LRAT: variants seen among roughly 807,000 people sequenced by gnomAD.
LRAT encodes the protein lecithin retinol acyltransferase (phosphatidylcholine--retinol O-acyltransferase).
Under a neutral mutation model 14.2 loss-of-function variants are expected in LRAT, and 11 were observed. The ratio of observed to expected loss-of-function variants is 0.78; its 90% CI spans 0.49 to 1.29. The LOEUF (loss-of-function observed/expected upper bound fraction) is 1.29, where lower values mean the gene tolerates loss of function less well. LRAT is among the 50% of genes most tolerant of loss of function. The pLI, the probability that LRAT is intolerant of heterozygous loss-of-function variation, is 0.00. For synonymous variants in LRAT, 144 were observed against 124.8 expected (o/e 1.15, Z -1.03); for missense variants, 274 against 292.4 (o/e 0.94, Z 0.46).
In LRAT at chr4:154,749,282, G is replaced by A. The variant is rs927284877; in HGVS notation, c.*146G>A. 2.2e-6 allele frequency: 2 copies of A among 909,620 alleles called. No individual in the cohort carries two copies. The highest frequency in any genetic ancestry group is 3.5e-6 in the Non-Finnish European group (2 of 563,800). The allele number at this position is 909,620 out of a possible 1,614,324, so 56.3% of individuals were successfully genotyped here. A position where few individuals can be genotyped will look rare whatever the true frequency, so the allele number is the denominator to read the frequency against. ...AATGTGATTAGGAATCACGCAAAGT[G>A]CTTACTGTGTAAGCCCAAGAACAAA... On this transcript the variant is annotated 3_prime_UTR_variant, in exon 3 of 3. Transcript: ENST00000336356.
chr4:154,744,563 G>C lies in LRAT; in HGVS notation c.237G>C (p.Leu79Phe). 6.2e-7 allele frequency: 1 copy of C among 1,614,126 alleles called. No individual in the cohort carries two copies. Among genetic ancestry groups the C allele is most frequent in the Non-Finnish European group, 8.5e-7 (1 of 1,180,026 alleles). ...RVAHMMPDIL[L>F]ALTDDMGRTQ... ...CCCACATGATGCCCGACATCCTGTTGGCCCTGACAGACGACATGGGGCGCA... is the reference window on the plus strand; with the variant it reads ...CCCACATGATGCCCGACATCCTGTTCGCCCTGACAGACGACATGGGGCGCA... Residue 79 changes from leucine (L) to phenylalanine (F), a missense_variant, in exon 2 of 3, where the codon TTG (leucine) becomes TTC (phenylalanine). Leu to Phe is a conservative substitution (Grantham distance 22). Transcript: ENST00000336356.
chr4:154,744,492 AC>A lies in LRAT; in HGVS notation c.169del (p.His57ThrfsTer2). 1.2e-6 allele frequency: 2 copies of A among 1,614,022 alleles called. No homozygotes were observed. The highest frequency in any genetic ancestry group is 1.7e-6 in the Non-Finnish European group (2 of 1,179,998). The part of the protein sequence containing the change: ...HRGDVLEVPR[T>X]HLTHYGIYLG... ...AGGCGACGTGCTGGAGGTGCCCCGG[AC>A]CCACCTGACCCACTATGGCATCTAC... On this transcript the variant is annotated frameshift_variant, in exon 2 of 3. Coordinates refer to ENST00000336356, the MANE Select transcript of LRAT (RefSeq NM_004744.5). LOFTEE classifies it high-confidence loss of function.
At position 154,749,925 on chromosome 4, in the gene LRAT, T is replaced by C. The variant is rs1732957279; in HGVS notation, c.*789T>C. ...TGAAGTTATGTGGGTATTTGGCATG[T>C]GTGTGTGAAATAAATATGTAGATAG... On this transcript the variant is annotated 3_prime_UTR_variant, in exon 3 of 3. Coordinates refer to ENST00000336356, the MANE Select transcript of LRAT (RefSeq NM_004744.5). The C allele has an allele frequency of 6.6e-6, 1 of 152,210 alleles. No individual in the cohort carries two copies. The highest frequency in any genetic ancestry group is 1.5e-5 in the Non-Finnish European group (1 of 68,032). 9.4% of individuals were successfully genotyped at this position (152,210 alleles called of 1,614,324 possible). A position where few individuals can be genotyped will look rare whatever the true frequency, so the allele number is the denominator to read the frequency against.
chr4:154,743,526 T>C (rs1445338603), upstream of LRAT, among the ~76,000 whole-genome samples: 2 of 152,026 alleles, frequency 1.3e-5, no homozygotes, highest in Non-Finnish European at 2.9e-5. Context: ...AAAGATTCGG[T>C]CAGGAAAGAA....
chr4:154,741,927 A>T (rs1043527689), upstream of LRAT, among the ~76,000 whole-genome samples: 2 of 152,146 alleles, frequency 1.3e-5, no homozygotes, highest in Non-Finnish European at 2.9e-5. Context: ...CTTAGTGACC[A>T]CCAGGGACGG....
chr4:154,742,067 A>G (rs1398851110), upstream of LRAT, among the ~76,000 whole-genome samples: 2 of 152,080 alleles, frequency 1.3e-5, no homozygotes, highest in African/African-American at 4.8e-5. Context: ...TCGGGTCTGC[A>G]TTGAACGTAC....
chr4:154,748,286 A>G, intron 2 of LRAT: 1 of 982,484 alleles, frequency 1.0e-6, no homozygotes, highest in Middle Eastern at 5.3e-4. Flanking sequence ...TGACATAGCC[A>G]ATAAGAGCTG....
Position 154,744,427 on chromosome 4 carries a change from A to C in LRAT, c.101A>C (p.Lys34Thr). 1 of 1,614,040 alleles carries C rather than the reference A, an allele frequency of 6.2e-7. No individual in the cohort carries two copies. The highest frequency in any genetic ancestry group is 8.5e-7 in the Non-Finnish European group (1 of 1,180,008). Residue 34 changes from lysine (K) to threonine (T), a missense_variant, in exon 2 of 3, where the codon AAA (lysine) becomes ACA (threonine). Lys to Thr is a moderately conservative substitution (Grantham distance 78). Transcript: ENST00000336356. ...LFSSGAAGED[K>T]GRNSFYETSS... ...AGTTCGGGCGCCGCGGGCGAAGACA[A>C]AGGGAGGAACAGTTTTTATGAAACC... is the stretch of plus-strand genomic sequence containing the variant.
At chr4:154,741,387 C>T (rs778667603), upstream of LRAT, among the ~76,000 whole-genome samples, 22 of 152,192 alleles carry the variant, frequency 1.4e-4, no homozygotes, top group African/African-American at 4.1e-4. Flanking sequence ...GAAGTCCTAG[C>T]ACGCAGAGCA....
chr4:154,748,899 T>A, intron 2 of LRAT, 85 bp from the exon 3 acceptor site: 1 of 1,314,676 alleles, frequency 7.6e-7, no homozygotes, highest in Non-Finnish European at 1.1e-6. Context: ...AGAAAATAGC[T>A]GGGAAAACTG....
chr4:154,744,553 A>C lies in LRAT; in HGVS notation c.227A>C (p.Asp76Ala), dbSNP rs1308166589. 6.2e-7 allele frequency: 1 copy of C among 1,614,090 alleles called. No homozygotes were observed. ...GDNRVAHMMP[D>A]ILLALTDDMG... Reference sequence around the variant, plus strand: ...AACCGTGTTGCCCACATGATGCCCGACATCCTGTTGGCCCTGACAGACGAC... The same window carrying C: ...AACCGTGTTGCCCACATGATGCCCGCCATCCTGTTGGCCCTGACAGACGAC... Residue 76 changes from aspartate to alanine, a missense_variant, in exon 2 of 3, where the codon GAC becomes GCC. Transcript: ENST00000336356.
chr4:154,744,979 A>ACT (rs1732853164), intron 2 of LRAT, 113 bp downstream of exon 2: 4 of 694,834 alleles, frequency 5.8e-6, no homozygotes, highest in Non-Finnish European at 9.5e-6. Context: ...CTCCCCTACC[A>ACT]CTTCCATACC....
At position 154,744,824 on chromosome 4, in the gene LRAT, C is replaced by G; in HGVS notation, c.498C>G (p.Thr166=). 6.2e-7 allele frequency: 1 copy of G among 1,613,914 alleles called. No individual in the cohort carries two copies. Among genetic ancestry groups the G allele is most frequent in the Non-Finnish European group, 8.5e-7 (1 of 1,180,024 alleles). ...GGAACAACTGCGAGCACTTCGTGAC[C>G]TACTGCAGATATGGCACCCCGATCA... is the stretch of plus-strand genomic sequence containing the variant. ...LLWNNCEHFV[T]YCRYGTPISP... Residue 166 remains threonine, a synonymous_variant, in exon 2 of 3, where the codon ACC becomes ACG. Transcript: ENST00000336356.
chr4:154,743,614 C>T (rs1373856553), upstream of LRAT, among the ~76,000 whole-genome samples: 2 of 152,178 alleles, frequency 1.3e-5, no homozygotes, highest in Non-Finnish European at 2.9e-5. Context: ...TCATATCTAT[C>T]CTTTTAGAGG....
At chr4:154,742,349 GA>G (rs1357165710), upstream of LRAT, among the ~76,000 whole-genome samples, 1 of 152,100 alleles carries the variant, frequency 6.6e-6, no homozygotes, top group Non-Finnish European at 1.5e-5. Context: ...GTTTGTGAAT[GA>G]ACAAAAGTCA....
rs1006794692 is a variant in LRAT, at chr4:154,752,677, T to C, written c.*3541T>C. 2 of 152,212 alleles carry C rather than the reference T, an allele frequency of 1.3e-5. No homozygotes were observed. The highest frequency in any genetic ancestry group is 2.4e-5 in the African/African-American group (1 of 41,458). The allele number at this position is 152,212 out of a possible 1,614,324, so 9.4% of individuals were successfully genotyped here. On this transcript the variant is annotated 3_prime_UTR_variant, in exon 3 of 3. Coordinates refer to ENST00000336356, the MANE Select transcript of LRAT (RefSeq NM_004744.5). The stretch of plus-strand genomic sequence containing the variant: ...TAGCAAAATCCTTTTATTTGATTCA[T>C]GCATAACTCCTGATGGAGTGTCAAG...
Position 154,752,910 on chromosome 4 carries a change from T to G in LRAT, c.*3774T>G, listed in dbSNP as rs1343570161. On this transcript the variant is annotated 3_prime_UTR_variant, in exon 3 of 3. Coordinates refer to ENST00000336356, the MANE Select transcript of LRAT (RefSeq NM_004744.5). The stretch of plus-strand genomic sequence containing the variant: ...GTTTTTCTATTTTTCTACTTCATAC[T>G]GTTAATGTCAAATATCAAAAATGTT... 1.3e-5 allele frequency: 2 copies of G among 152,208 alleles called. No homozygotes were observed. The highest frequency in any genetic ancestry group is 2.9e-5 in the Non-Finnish European group (2 of 68,044). The allele number at this position is 152,208 out of a possible 1,614,324, so 9.4% of individuals were successfully genotyped here. A position where few individuals can be genotyped will look rare whatever the true frequency, so the allele number is the denominator to read the frequency against.
Position 154,749,838 on chromosome 4 carries a change from T to G in LRAT, c.*702T>G, listed in dbSNP as rs964291080. 3 of 152,256 alleles carry G rather than the reference T, an allele frequency of 2.0e-5. No individual in the cohort carries two copies. The highest frequency in any genetic ancestry group is 7.2e-5 in the African/African-American group (3 of 41,462). The allele number at this position is 152,256 out of a possible 1,614,324, so 9.4% of individuals were successfully genotyped here. ...TAGGAAGCCTGGAATTCATTATTTTTTTCCTTTTATGTGCCACTGTGGCTA... is the reference window on the plus strand; with the variant it reads ...TAGGAAGCCTGGAATTCATTATTTTGTTCCTTTTATGTGCCACTGTGGCTA... On this transcript the variant is annotated 3_prime_UTR_variant, in exon 3 of 3. Transcript: ENST00000336356.
upstream of LRAT, among the ~76,000 whole-genome samples, chr4:154,742,704 G>A (rs1732790122): frequency 1.3e-5 from 2 of 152,116 alleles, no homozygotes; most frequent in African/African-American, 4.8e-5. Flanking sequence ...GCCTGGCGCG[G>A]CCAACGCTTC....
Sources: gnomAD v4.1 joint callset for allele counts (sites outside exome capture counted in the v4.1 genomes callset) on GRCh38, gnomAD v4.1.1 for gene constraint, MANE v1.5 for transcripts, NCBI Gene and HGNC (gene_info 2026-07-23, HGNC 2026-07-21) for gene names.